The following CPNE4 variants were observed in gnomAD, a reference collection of about 807,000 sequenced individuals.
CPNE4 encodes copine 4.
CPNE4 carries 25 observed loss-of-function variants against 67.9 expected under a neutral mutation model. The ratio of observed to expected loss-of-function variants is 0.37; its 90% confidence interval spans 0.27 to 0.51. The LOEUF (loss-of-function observed/expected upper bound fraction) is 0.51, where lower values mean the gene tolerates loss of function less well. CPNE4 is among the 20% of genes least tolerant of loss of function. CPNE4 has a pLI of 0.93. For missense variants in CPNE4, 464 were observed against 690.8 expected, an observed-to-expected ratio of 0.67 and a Z score of 3.68; for synonymous variants, 242 against 244.9, an observed-to-expected ratio of 0.99 and a Z score of 0.11.
chr3:132,029,422 A>C (rs1171037997), intron 1 of CPNE4, among the ~76,000 whole-genome samples: 1 of 152,170 alleles, frequency 6.6e-6, no homozygotes, highest in Admixed American at 6.5e-5. Flanking sequence ...TCCTTATCCT[A>C]GAAGCCCTGC....
At chr3:131,779,545 G>C (rs959176040) in intron 2 of CPNE4, among the ~76,000 whole-genome samples, 6 of 151,896 alleles carry the variant, frequency 4.0e-5, no homozygotes, top group African/African-American at 1.4e-4. Flanking sequence ...CTACAACCAT[G>C]TCATTGTCAA....
intron 2 of CPNE4, among the ~76,000 whole-genome samples, chr3:131,862,670 T>C (rs2086736839): frequency 6.6e-6 from 1 of 150,898 alleles, no homozygotes. Context: ...ATCATGTGTA[T>C]TTCAGTCATG....
chr3:131,602,546 C>T (rs911683079), intron 7 of CPNE4, among the ~76,000 whole-genome samples: 3 of 152,080 alleles, frequency 2.0e-5, no homozygotes, highest in African/African-American at 7.2e-5. Context: ...TGGAAGCTTT[C>T]ATTGGAGATT....
intron 9 of CPNE4, among the ~76,000 whole-genome samples, chr3:131,576,150 T>C (rs553631242): frequency 1.6e-5 from 2 of 127,238 alleles, no homozygotes; most frequent in South Asian, 4.5e-4. Flanking sequence ...GGAAGCTTCT[T>C]AGAGAGACCC....
chr3:131,780,949 C>T (rs146158397), intron 2 of CPNE4, among the ~76,000 whole-genome samples: 55 of 152,118 alleles, frequency 3.6e-4, no homozygotes, highest in African/African-American at 1.2e-3. Context: ...GCTTGAGGTC[C>T]GTGTGGCTGG....
intron 2 of CPNE4, among the ~76,000 whole-genome samples, chr3:131,749,535 TGA>T (rs887714695): frequency 6.6e-6 from 1 of 152,164 alleles, no homozygotes; most frequent in African/African-American, 2.4e-5. Context: ...TATCAATTGC[TGA>T]GAGAGGGGTG....
In CPNE4 at chr3:131,745,531, G is replaced by A. The variant is rs138254355; in HGVS notation, c.181-21906C>T. Among the ~76,000 whole-genome samples the A allele has an allele frequency of 3.9e-3, 598 of 152,020 alleles. 6 individuals carry two copies. Among genetic ancestry groups the A allele is most frequent in the African/African-American group, 0.014 (567 of 41,502 alleles). On this transcript the variant is annotated intron_variant, in intron 2 of 15. Coordinates refer to ENST00000429747, the MANE Select transcript of CPNE4 (RefSeq NM_130808.3). Reference sequence around the variant, plus strand: ...CCAAAATTTCCTCCTATTTTTTTCTGAAAGTTTTATAGTTTAATGCTTTAC... The same window carrying A: ...CCAAAATTTCCTCCTATTTTTTTCTAAAAGTTTTATAGTTTAATGCTTTAC...
chr3:131,731,115 T>G (rs1449200576), intron 2 of CPNE4, among the ~76,000 whole-genome samples: 1 of 152,206 alleles, frequency 6.6e-6, no homozygotes, highest in Non-Finnish European at 1.5e-5. Flanking sequence ...CATTGAACCC[T>G]GCCTTCATCC....
intron 2 of CPNE4, among the ~76,000 whole-genome samples, chr3:131,823,022 A>G (rs2085017807): frequency 1.3e-5 from 2 of 151,834 alleles, no homozygotes. Context: ...GTATTTTTTA[A>G]TAGAGACAGG....
chr3:131,644,586 A>G (rs572240153), intron 7 of CPNE4, among the ~76,000 whole-genome samples: 1 of 152,344 alleles, frequency 6.6e-6, no homozygotes, highest in Non-Finnish European at 1.5e-5. Flanking sequence ...GATTTTAGAT[A>G]TGAATCACAT....
intron 1 of CPNE4, among the ~76,000 whole-genome samples, chr3:131,991,657 G>A (rs114663380): frequency 0.036 from 4,916 of 135,864 alleles, 1,113 homozygotes; most frequent in Middle Eastern, 0.072. Flanking sequence ...AGAAATTCAA[G>A]CCCACTGGAG....
rs138678603 is a variant in CPNE4, at chr3:131,621,322, G to A, written c.682-33740C>T. Among the ~76,000 whole-genome samples, 23 of 152,212 alleles carry A rather than the reference G, an allele frequency of 1.5e-4. No homozygotes were observed. In the East Asian group the frequency reaches 4.4e-3, roughly 29 times the overall value. ...TGCAGTGCCACAGTCATGGTTCACT[G>A]CAGCCTCAAACTCCTGGGCTCAAGT... is the stretch of plus-strand genomic sequence containing the variant. On this transcript the variant is annotated intron_variant, in intron 7 of 15. Coordinates refer to ENST00000429747, the MANE Select transcript of CPNE4 (RefSeq NM_130808.3).
chr3:131,763,017 C>A (rs547744439), intron 2 of CPNE4, among the ~76,000 whole-genome samples: 8 of 151,938 alleles, frequency 5.3e-5, no homozygotes, highest in East Asian at 1.9e-4. Flanking sequence ...AAAATAATTT[C>A]TTTTAGGAAA....
chr3:131,722,884 A>G (rs2081923271), intron 3 of CPNE4, among the ~76,000 whole-genome samples: 1 of 152,222 alleles, frequency 6.6e-6, no homozygotes, highest in Admixed American at 6.5e-5. Flanking sequence ...TCATCAAATC[A>G]CTTAACCTCT....
chr3:131,706,830 T>C (rs2081425718), intron 3 of CPNE4, among the ~76,000 whole-genome samples: 1 of 152,160 alleles, frequency 6.6e-6, no homozygotes, highest in Admixed American at 6.5e-5. Context: ...GACAATAACT[T>C]AACTGTTTCA....
At chr3:131,949,596 A>G (rs955163048) in intron 1 of CPNE4, among the ~76,000 whole-genome samples, 1 of 152,218 alleles carries the variant, frequency 6.6e-6, no homozygotes, top group African/African-American at 2.4e-5. Flanking sequence ...TTCTGAGTCA[A>G]GAATAAAATA....
intron 1 of CPNE4, among the ~76,000 whole-genome samples, chr3:131,934,367 ATGTT>A (rs1421443851): frequency 6.6e-6 from 1 of 152,136 alleles, no homozygotes; most frequent in East Asian, 1.9e-4. Flanking sequence ...ATATTTTAGG[ATGTT>A]TGTTATAAAA....
chr3:131,582,306 C>A (rs893104367), intron 8 of CPNE4, among the ~76,000 whole-genome samples: 3 of 152,120 alleles, frequency 2.0e-5, no homozygotes, highest in Non-Finnish European at 2.9e-5. Flanking sequence ...AAGATCAGAG[C>A]TACAGGAGTG....
At chr3:131,733,888 T>C (rs1376209739) in intron 2 of CPNE4, among the ~76,000 whole-genome samples, 1 of 152,256 alleles carries the variant, frequency 6.6e-6, no homozygotes, top group East Asian at 1.9e-4. Context: ...GGAACTCATC[T>C]GCGGGATGCT....
Sources: allele counts gnomAD v4.1 joint callset (sites outside exome capture counted in the v4.1 genomes callset), GRCh38; gene constraint gnomAD v4.1.1; transcripts MANE v1.5; gene names NCBI Gene and HGNC (gene_info 2026-07-23, HGNC 2026-07-21).